PTPRU: variants seen among roughly 807,000 people sequenced by gnomAD.
The protein encoded by PTPRU is protein tyrosine phosphatase receptor type U.
PTPRU carries 69 observed loss-of-function variants against 166.3 expected under a neutral mutation model. The ratio of observed to expected loss-of-function variants is 0.41; its 90% CI spans 0.34 to 0.51. PTPRU has a LOEUF of 0.51. PTPRU is among the 20% of genes least tolerant of loss of function. PTPRU has a pLI of 0.09. For synonymous variants in PTPRU, 793 were observed against 814.0 expected, an observed-to-expected ratio of 0.97 and a Z score of 0.44; for missense variants, 1,657 against 2,013.7, an observed-to-expected ratio of 0.82 and a Z score of 3.39.
In PTPRU at chr1:29,323,906, C is replaced by A. The variant is rs530907931; in HGVS notation, c.4112+118C>A. 3.9e-6 allele frequency: 5 copies of A among 1,271,138 alleles called. No individual in the cohort carries two copies. The Admixed American group carries it at 8.4e-5, about 21-fold the overall frequency. The allele number at this position is 1,271,138 out of a possible 1,614,324, so 78.7% of individuals were successfully genotyped here. On this transcript the variant is annotated intron_variant, in intron 28 of 29. Transcript: ENST00000373779. Reference sequence around the variant, plus strand: ...CAAAGCTGGCACCGAAACCCCTGGGCTCTTAGATGGCTGTGGCCAGGATGC... The same window carrying A: ...CAAAGCTGGCACCGAAACCCCTGGGATCTTAGATGGCTGTGGCCAGGATGC...
rs769247849 is a variant in PTPRU, at chr1:29,317,863, C to T, written c.3629C>T (p.Pro1210Leu). The change falls in exon 25 of 30, where the codon CCC becomes CTC. Residue 1210 changes from proline (P) to leucine (L), a missense_variant. Pro to Leu is a moderately conservative substitution (Grantham distance 98). This residue lies in a region of PTPRU where 1,190 missense variants were observed against 1,477.4 expected (regional missense o/e 0.81). Transcript: ENST00000373779. The surrounding 1 kb of genome is among the most constrained non-coding windows in gnomAD (Gnocchi z 5.6). ...MDVLPPDRCLPFLISTDGDSN... is the reference protein window; with the variant it reads ...MDVLPPDRCLLFLISTDGDSN... Reference sequence around the variant, plus strand: ...GTCCTGCCGCCCGACCGCTGCCTGCCCTTCCTCATCTCCACTGATGGGGAC... The same window carrying T: ...GTCCTGCCGCCCGACCGCTGCCTGCTCTTCCTCATCTCCACTGATGGGGAC... 1 of 1,614,084 alleles carries T rather than the reference C, an allele frequency of 6.2e-7. No individual in the cohort carries two copies. The highest frequency in any genetic ancestry group is 8.5e-7 in the Non-Finnish European group (1 of 1,180,042).
intron 1 of PTPRU, among the ~76,000 whole-genome samples, chr1:29,249,387 G>A (rs1418162339): frequency 6.6e-6 from 1 of 152,260 alleles, no homozygotes; most frequent in African/African-American, 2.4e-5. Context: ...CTGCCAGACT[G>A]GGGAGATTAG....
intron 1 of PTPRU, 124 bp from the exon 2 acceptor site, chr1:29,255,151 G>A: frequency 4.3e-6 from 5 of 1,162,290 alleles, no homozygotes; most frequent in African/African-American, 1.5e-5. Context: ...GTGTGGGGAA[G>A]GGCCTGAAGA....
At chr1:29,281,052 C>T (rs1686060542) in intron 11 of PTPRU, among the ~76,000 whole-genome samples, 1 of 152,128 alleles carries the variant, frequency 6.6e-6, no homozygotes, top group African/African-American at 2.4e-5. Context: ...AGCCTCCCTG[C>T]CCTTCTGGTC....
chr1:29,297,996 A>G (rs1557463035), intron 15 of PTPRU, among the ~76,000 whole-genome samples: 2 of 152,206 alleles, frequency 1.3e-5, no homozygotes, highest in South Asian at 2.1e-4. Context: ...GGTGGCTCAC[A>G]CCTGTAATCC....
Position 29,282,924 on chromosome 1 carries a change from TC to T in PTPRU, c.2119del (p.Gln707ArgfsTer6). The T allele has an allele frequency of 6.2e-7, 1 of 1,613,632 alleles. No homozygotes were observed. Among genetic ancestry groups the T allele is most frequent in the Non-Finnish European group, 8.5e-7 (1 of 1,179,914 alleles). ...CCTAGGAAGGCCTATCTCATCTACTTCCAGGCAGCAAGCCACCTGAAGGGGG... is the reference window on the plus strand; with the variant it reads ...CCTAGGAAGGCCTATCTCATCTACTTCAGGCAGCAAGCCACCTGAAGGGGG... ...LEPRKAYLIYFQAASHLKGET... is the reference protein window; with the variant it reads ...LEPRKAYLIYXQAASHLKGET... On this transcript the variant is annotated frameshift_variant, in exon 12 of 30. Transcript: ENST00000373779. LOFTEE classifies it high-confidence loss of function.
chr1:29,239,151 G>C (rs1683922956), intron 1 of PTPRU, among the ~76,000 whole-genome samples: 1 of 152,062 alleles, frequency 6.6e-6, no homozygotes, highest in Admixed American at 6.6e-5. Context: ...AAAGTTCCTG[G>C]CCCCCTTTGT....
chr1:29,318,495 G>T (rs1688000525), intron 25 of PTPRU, among the ~76,000 whole-genome samples: 1 of 152,182 alleles, frequency 6.6e-6, no homozygotes, highest in Non-Finnish European at 1.5e-5. Flanking sequence ...CTGCTAAATG[G>T]CTCCAAGATG....
chr1:29,325,080 A>T, intron 28 of PTPRU, 111 bp from the exon 29 acceptor site: 3 of 1,422,460 alleles, frequency 2.1e-6, no homozygotes, highest in Non-Finnish European at 2.9e-6. Flanking sequence ...TAGATTCCCT[A>T]GCTCCGTCCC....
intron 8 of PTPRU, 142 bp downstream of exon 8, chr1:29,275,898 C>T (rs1685785465): frequency 1.1e-6 from 1 of 922,880 alleles, no homozygotes; most frequent in Admixed American, 2.9e-5. Flanking sequence ...GTAGTGATAG[C>T]TCCTATTTTT....
intron 17 of PTPRU, 82 bp from the exon 18 acceptor site, chr1:29,305,270 C>T (rs2235935): frequency 0.18 from 247,394 of 1,384,710 alleles, 23,023 homozygotes; most frequent in Middle Eastern, 0.2. Flanking sequence ...TGCCCTATCC[C>T]CTAGCCTCCA....
At chr1:29,305,855 C>T (rs1687367243) in intron 18 of PTPRU, among the ~76,000 whole-genome samples, 1 of 152,076 alleles carries the variant, frequency 6.6e-6, no homozygotes. Flanking sequence ...AGTGTTTTGA[C>T]CATGATCAGA....
In PTPRU at chr1:29,253,692, C is replaced by T. The variant is rs182427369; in HGVS notation, c.74-1583C>T. 5.3e-5 allele frequency among the ~76,000 whole-genome samples: 8 copies of T among 151,934 alleles called. No homozygotes were observed. In the East Asian group the frequency reaches 1.6e-3, roughly 30 times the overall value. On this transcript the variant is annotated intron_variant, in intron 1 of 29. Coordinates refer to ENST00000373779, the MANE Select transcript of PTPRU (RefSeq NM_133178.4). ...AAATATCACAACTATCTATACCTCTCCCTCTTCTTCTTGAGATTGGGAAGC... is the reference window on the plus strand; with the variant it reads ...AAATATCACAACTATCTATACCTCTTCCTCTTCTTCTTGAGATTGGGAAGC...
At chr1:29,286,223 G>A (rs758260347) in intron 14 of PTPRU, among the ~76,000 whole-genome samples, 3 of 152,144 alleles carry the variant, frequency 2.0e-5, no homozygotes, top group Non-Finnish European at 2.9e-5. Flanking sequence ...TTTTCCCCTC[G>A]TTGTTCCTGC....
Position 29,238,056 on chromosome 1 carries a change from C to A in PTPRU, c.73+1339C>A, listed in dbSNP as rs1317441694. On this transcript the variant is annotated intron_variant, in intron 1 of 29. Transcript: ENST00000373779. This position sits in a 1 kb window ranked among gnomAD's most constrained non-coding sequence, Gnocchi z 6.1. ...GTGCGGCCTCCCGGCCGGCCGGGACCGCCAGGTGTGTGCTTGAGTGTGAGC... is the reference window on the plus strand; with the variant it reads ...GTGCGGCCTCCCGGCCGGCCGGGACAGCCAGGTGTGTGCTTGAGTGTGAGC... Among the ~76,000 whole-genome samples the A allele has an allele frequency of 1.3e-5, 2 of 151,556 alleles. No individual in the cohort carries two copies. The highest frequency in any genetic ancestry group is 3.0e-5 in the Non-Finnish European group (2 of 67,784).
chr1:29,325,549 C>T (rs1450915132), intron 29 of PTPRU, 50 bp from the exon 30 acceptor site: 4 of 1,561,464 alleles, frequency 2.6e-6, no homozygotes, highest in Admixed American at 1.7e-5. Flanking sequence ...CCCCACAATA[C>T]TGGAGTTGGG....
In PTPRU at chr1:29,260,085, C is replaced by G; in HGVS notation, c.850+41C>G. The G allele has an allele frequency of 3.4e-6, 4 of 1,183,158 alleles. No individual in the cohort carries two copies. The South Asian group carries it at 6.6e-5, about 20-fold the overall frequency. 73.3% of individuals were successfully genotyped at this position (1,183,158 alleles called of 1,614,324 possible). A position where few individuals can be genotyped will look rare whatever the true frequency, so the allele number is the denominator to read the frequency against. On this transcript the variant is annotated intron_variant, in intron 6 of 29. Coordinates refer to ENST00000373779, the MANE Select transcript of PTPRU (RefSeq NM_133178.4). This position sits in a 1 kb window ranked among gnomAD's most constrained non-coding sequence, Gnocchi z 8.3. ...CCGGGGAGCGCCGGGACCTCACCCT[C>G]GAGGGGCGGGGCCGGCGACGGGGGC...
rs1688251698 is a variant in PTPRU at position 29,323,382 on chromosome 1, G to A, written c.3840G>A (p.Gln1280=). 1.9e-6 allele frequency: 3 copies of A among 1,607,506 alleles called. No individual in the cohort carries two copies. Among genetic ancestry groups the A allele is most frequent in the East Asian group, 4.5e-5 (2 of 44,466 alleles). The change falls in exon 27 of 30, where the codon CAG becomes CAA. Residue 1280 remains glutamine, a synonymous_variant. Transcript: ENST00000373779. The stretch of plus-strand genomic sequence containing the variant: ...GTGCTTATGCCCAGCCCTGCCTGCA[G>A]TACTGGCCAGAGCCAGGCCGGCAGC... ...NQSNSAWPCL[Q]YWPEPGRQQY... is the part of the protein sequence containing the mutation.
At position 29,317,529 on chromosome 1, in the gene PTPRU, G is replaced by A. The variant is rs955800852; in HGVS notation, c.3514-219G>A. Among the ~76,000 whole-genome samples the A allele has an allele frequency of 2.0e-5, 3 of 152,188 alleles. No homozygotes were observed. Among genetic ancestry groups the A allele is most frequent in the Admixed American group, 2.0e-4 (3 of 15,280 alleles). ...GTAGCTTGTCTGAGGTTATGTGGGTGGCAAGGAGGTAGACTCTGGTCTCTA... is the reference window on the plus strand; with the variant it reads ...GTAGCTTGTCTGAGGTTATGTGGGTAGCAAGGAGGTAGACTCTGGTCTCTA... On this transcript the variant is annotated intron_variant, in intron 24 of 29. Transcript: ENST00000373779. This position sits in a 1 kb window ranked among gnomAD's most constrained non-coding sequence, Gnocchi z 5.6.
Sources: allele counts gnomAD v4.1 joint callset (sites outside exome capture counted in the v4.1 genomes callset), GRCh38; gene constraint gnomAD v4.1.1; regional missense constraint gnomAD v4.1.1; non-coding constraint Gnocchi (gnomAD v3.1); transcripts MANE v1.5; gene names NCBI Gene and HGNC (gene_info 2026-07-23, HGNC 2026-07-21).